Variants in CENPC observed in about 807,000 individuals in gnomAD.
CENPC encodes the protein CENP-C 1.
A neutral mutation model predicts 112.1 loss-of-function variants in CENPC; 63 were observed. That is an observed-to-expected ratio of 0.56 (90% CI 0.46 to 0.69). The LOEUF (loss-of-function observed/expected upper bound fraction) is 0.69. Among genes scored for constraint, CENPC ranks in the 30% least tolerant of loss-of-function variants. The probability of loss-of-function intolerance (pLI) is 0.00; values close to 1 mark genes in which losing one functional copy is unlikely to be tolerated. For synonymous variants in CENPC, 333 were observed against 367.6 expected, an observed-to-expected ratio of 0.91 and a Z score of 1.08; for missense variants, 1,000 against 1,103.8, an observed-to-expected ratio of 0.91 and a Z score of 1.33.
At chr4:67,530,271 A>AAGTGTCCTTAATTAAGCAATT (rs1726507254) in intron 5 of CENPC, among the ~76,000 whole-genome samples, 1 of 152,206 alleles carries the variant, frequency 6.6e-6, no homozygotes, top group Non-Finnish European at 1.5e-5. Context: ...ACTAAAGTAA[A>AAGTGTCCTTAATTAAGCAATT]AAGGAGATTG....
intron 15 of CENPC, 56 bp from the exon 16 acceptor site, chr4:67,492,331 C>A (rs1213123520): frequency 8.5e-7 from 1 of 1,176,336 alleles, no homozygotes; most frequent in South Asian, 1.4e-5. Context: ...ATTCTCAATC[C>A]CAAAAAGTTC....
At position 67,541,029 on chromosome 4, in the gene CENPC, C is replaced by G; in HGVS notation, c.87G>C (p.Glu29Asp). Residue 29 changes from glutamate (E) to aspartate (D), a missense_variant, in exon 3 of 19, where the codon GAG (glutamate) becomes GAC (aspartate). Glu to Asp is a conservative substitution (Grantham distance 45, BLOSUM62 2). Transcript: ENST00000273853. ...RPSRARDINT[E>D]QGQNVLEILQ... ...AGATTTCCAGAACATTCTGGCCTTG[C>G]TCTGTGTTAATGTCACGTGCCCTAA... The G allele has an allele frequency of 1.2e-6, 2 of 1,609,584 alleles. No homozygotes were observed. Among genetic ancestry groups the G allele is most frequent in the South Asian group, 2.2e-5 (2 of 90,116 alleles).
chr4:67,479,764 T>C (rs1250717264), intron 17 of CENPC, among the ~76,000 whole-genome samples: 13 of 152,008 alleles, frequency 8.6e-5, no homozygotes, highest in Admixed American at 5.9e-4. Flanking sequence ...AGACCATTAG[T>C]GAGGTTAACA....
chr4:67,486,130 A>G (rs945328324), intron 17 of CENPC, among the ~76,000 whole-genome samples: 2 of 152,164 alleles, frequency 1.3e-5, no homozygotes, highest in Admixed American at 1.3e-4. Context: ...CATCTATTCA[A>G]TTTGGTTCTC....
intron 17 of CENPC, among the ~76,000 whole-genome samples, chr4:67,477,532 T>C (rs1223183681): frequency 6.6e-6 from 1 of 152,196 alleles, no homozygotes; most frequent in Admixed American, 6.5e-5. Flanking sequence ...GATCACTCCA[T>C]GGAACAAATG....
intron 4 of CENPC, among the ~76,000 whole-genome samples, chr4:67,531,959 A>T (rs1370688123): frequency 2.0e-5 from 3 of 152,232 alleles, no homozygotes; most frequent in Non-Finnish European, 4.4e-5. Context: ...TGAACAGGCA[A>T]CCTACAGAAT....
At chr4:67,475,937 C>A (rs187447521) in intron 17 of CENPC, among the ~76,000 whole-genome samples, 1 of 152,126 alleles carries the variant, frequency 6.6e-6, no homozygotes, top group Admixed American at 6.5e-5. Flanking sequence ...CACTGCCTAA[C>A]GATGTTTCAG....
Position 67,470,583 on chromosome 4 carries a change from A to T in CENPC, c.*2022T>A, listed in dbSNP as rs10213535. The T allele has an allele frequency of 9.0e-6, 1 of 110,632 alleles. No homozygotes were observed. Among genetic ancestry groups the T allele is most frequent in the Non-Finnish European group, 1.8e-5 (1 of 56,896 alleles). 6.9% of individuals were successfully genotyped at this position (110,632 alleles called of 1,614,324 possible). A position where few individuals can be genotyped will look rare whatever the true frequency, so the allele number is the denominator to read the frequency against. On this transcript the variant is annotated 3_prime_UTR_variant, in exon 19 of 19. Transcript: ENST00000273853. Reference sequence around the variant, plus strand: ...GTGAAACTCTGCCTCAAAAAAAAAAAAAAAGAAAAGAAAAGAAAAAAGAAA... The same window carrying T: ...GTGAAACTCTGCCTCAAAAAAAAAATAAAAGAAAAGAAAAGAAAAAAGAAA...
At chr4:67,504,907 T>C (rs1239479816) in intron 12 of CENPC, 1 of 301,760 alleles carries the variant, frequency 3.3e-6, no homozygotes, top group Admixed American at 5.0e-5. Context: ...CCAGCTTCAG[T>C]AATCATCAAC....
At chr4:67,511,252 C>T (rs1725884610) in intron 9 of CENPC, among the ~76,000 whole-genome samples, 1 of 152,158 alleles carries the variant, frequency 6.6e-6, no homozygotes, top group Non-Finnish European at 1.5e-5. Context: ...AAAATAAATA[C>T]TTGCTGCTAT....
At chr4:67,497,268 C>T (rs991225023) in intron 12 of CENPC, among the ~76,000 whole-genome samples, 20 of 152,018 alleles carry the variant, frequency 1.3e-4, no homozygotes, top group African/African-American at 4.8e-4. Flanking sequence ...ATCTCAGCTA[C>T]TCAGGAGGTT....
Position 67,484,949 on chromosome 4 carries a change from C to T in CENPC, c.2670+5018G>A, listed in dbSNP as rs181027986. On this transcript the variant is annotated intron_variant, in intron 17 of 18. Transcript: ENST00000273853. ...TCTATGAAAAATACAAAAAATTAGC[C>T]AGGCGTGGTGGCGGGCACCTATAGT... Among the ~76,000 whole-genome samples, 457 of 152,184 alleles carry T rather than the reference C, an allele frequency of 3.0e-3. 2 individuals carry two copies. The highest frequency in any genetic ancestry group is 0.01 in the African/African-American group (417 of 41,536).
chr4:67,540,799 A>G (rs1726864973), intron 3 of CENPC, among the ~76,000 whole-genome samples, 181 bp downstream of exon 3: 1 of 152,244 alleles, frequency 6.6e-6, no homozygotes, highest in Non-Finnish European at 1.5e-5. Context: ...TTTTGTCAGT[A>G]TTATCCTAAG....
chr4:67,481,582 G>C (rs1724958962), intron 17 of CENPC, among the ~76,000 whole-genome samples: 1 of 152,030 alleles, frequency 6.6e-6, no homozygotes, highest in Non-Finnish European at 1.5e-5. Flanking sequence ...ACTGAATAGA[G>C]CCTAGAAGTA....
At chr4:67,483,102 C>T (rs1002976573) in intron 17 of CENPC, among the ~76,000 whole-genome samples, 1 of 152,186 alleles carries the variant, frequency 6.6e-6, no homozygotes, top group African/African-American at 2.4e-5. Context: ...GCTTCCCCTT[C>T]TGCCATAATT....
intron 15 of CENPC, among the ~76,000 whole-genome samples, chr4:67,492,570 T>C (rs1725313436): frequency 6.6e-6 from 1 of 152,134 alleles, no homozygotes. Flanking sequence ...GAGATAGAGG[T>C]ATATAAAACA....
chr4:67,498,255 A>C lies in CENPC; in HGVS notation c.2132-3043T>G, dbSNP rs911904827. ...GTCTCATTCTCAAAAAATAAAAATA[A>C]TAAAATATAAAAATGCTTATCATCT... On this transcript the variant is annotated intron_variant, in intron 12 of 18. Transcript: ENST00000273853. 5.9e-5 allele frequency among the ~76,000 whole-genome samples: 9 copies of C among 152,158 alleles called. No homozygotes were observed. The East Asian group carries it at 1.2e-3, about 20-fold the overall frequency.
chr4:67,472,088 T>C lies in CENPC; in HGVS notation c.*517A>G, dbSNP rs1285557639. ...TCTCCCTTACAGGTTTTCAAAGACATCACGGCCTTGACAACACCTTGATTT... is the reference window on the plus strand; with the variant it reads ...TCTCCCTTACAGGTTTTCAAAGACACCACGGCCTTGACAACACCTTGATTT... On this transcript the variant is annotated 3_prime_UTR_variant, in exon 19 of 19. Coordinates refer to ENST00000273853, the MANE Select transcript of CENPC (RefSeq NM_001812.4). 1 of 152,190 alleles carries C rather than the reference T, an allele frequency of 6.6e-6. No homozygotes were observed. Among genetic ancestry groups the C allele is most frequent in the African/African-American group, 2.4e-5 (1 of 41,454 alleles). 9.4% of individuals were successfully genotyped at this position (152,190 alleles called of 1,614,324 possible). A position where few individuals can be genotyped will look rare whatever the true frequency, so the allele number is the denominator to read the frequency against.
chr4:67,478,013 A>G (rs1409670712), intron 17 of CENPC, among the ~76,000 whole-genome samples: 5 of 148,366 alleles, frequency 3.4e-5, no homozygotes, highest in Non-Finnish European at 7.4e-5. Context: ...AAATAAATTA[A>G]AAAAAAAAAT....
Sources: allele counts gnomAD v4.1 joint callset (sites outside exome capture counted in the v4.1 genomes callset), GRCh38; gene constraint gnomAD v4.1.1; transcripts MANE v1.5; gene names NCBI Gene and HGNC (gene_info 2026-07-23, HGNC 2026-07-21).